RTL4: variants seen among roughly 807,000 people sequenced by gnomAD.
RTL4 encodes retrotransposon Gag-like protein 4.
A neutral mutation model predicts 5.3 loss-of-function variants in RTL4; 4 were observed. The observed-to-expected ratio is 0.75, with a 90% CI of 0.37 to 1.72. The LOEUF (loss-of-function observed/expected upper bound fraction) is 1.72. Among genes scored for constraint, RTL4 ranks in the 40% most tolerant of loss-of-function variants. The pLI is 0.04. For synonymous variants in RTL4, 98 were observed against 87.3 expected, an observed-to-expected ratio of 1.12 and a Z score of -0.68; for missense variants, 260 against 227.1, an observed-to-expected ratio of 1.14 and a Z score of -0.93.
chrX:112,330,840 A>C, the RTL4 span, among the ~76,000 whole-genome samples: 1 of 111,322 alleles, frequency 9.0e-6, no homozygotes, highest in African/African-American at 3.3e-5. Flanking sequence ...CAGAGCCCTC[A>C]AAAATAACAC....
the RTL4 span, among the ~76,000 whole-genome samples, chrX:112,181,120 T>C: frequency 3.6e-5 from 4 of 111,935 alleles, no homozygotes; most frequent in Admixed American, 9.4e-5. Flanking sequence ...CATGAGGGAC[T>C]GTGCTGTGAG....
the RTL4 span, among the ~76,000 whole-genome samples, chrX:112,189,857 A>G: frequency 8.9e-6 from 1 of 112,138 alleles, no homozygotes; most frequent in Non-Finnish European, 1.9e-5. Context: ...CAGAAACCTC[A>G]GTGGGTCATC....
At chrX:112,295,195 C>T in the RTL4 span, among the ~76,000 whole-genome samples, 1 of 111,716 alleles carries the variant, frequency 9.0e-6, no homozygotes, top group East Asian at 2.8e-4. Context: ...ATTTTGGCCA[C>T]TCAGAGACCT....
the RTL4 span, among the ~76,000 whole-genome samples, chrX:112,425,300 G>T: frequency 9.0e-6 from 1 of 111,331 alleles, no homozygotes; most frequent in African/African-American, 3.3e-5. Flanking sequence ...ACATTATCTG[G>T]ATGTACCCCA....
At chrX:112,250,364 T>C in the RTL4 span, among the ~76,000 whole-genome samples, 7 of 111,843 alleles carry the variant, frequency 6.3e-5, no homozygotes, top group African/African-American at 2.3e-4. Flanking sequence ...TTTTGTTTTG[T>C]TTTTGTTTTG....
the RTL4 span, among the ~76,000 whole-genome samples, chrX:112,174,481 T>C: frequency 9.4e-6 from 1 of 105,921 alleles, no homozygotes; most frequent in African/African-American, 3.4e-5. Context: ...CAGTCTATCA[T>C]TGATGGACAT....
chrX:112,238,362 A>T, the RTL4 span, among the ~76,000 whole-genome samples: 2 of 111,779 alleles, frequency 1.8e-5, no homozygotes, highest in African/African-American at 3.2e-5. Flanking sequence ...TTCTTTCAGC[A>T]CTGTTCTTCT....
the RTL4 span, among the ~76,000 whole-genome samples, chrX:112,158,608 A>T: frequency 1.8e-5 from 2 of 110,966 alleles, no homozygotes; most frequent in Admixed American, 1.9e-4. Flanking sequence ...CTAAATTATG[A>T]TATATGATGT....
At chrX:112,262,167 G>C in the RTL4 span, among the ~76,000 whole-genome samples, 134 of 111,923 alleles carry the variant, frequency 1.2e-3, no homozygotes, top group African/African-American at 4.3e-3. Context: ...CAAAAGCAAT[G>C]GCAACAAAAG....
chrX:112,263,798 G>T, the RTL4 span, among the ~76,000 whole-genome samples: 1 of 111,738 alleles, frequency 8.9e-6, no homozygotes, highest in Non-Finnish European at 1.9e-5. Flanking sequence ...GATAACTATG[G>T]GTGGTGATGG....
At chrX:112,175,923 A>G in the RTL4 span, among the ~76,000 whole-genome samples, 3 of 110,928 alleles carry the variant, frequency 2.7e-5, no homozygotes, top group African/African-American at 9.8e-5. Flanking sequence ...CAATTAGGAA[A>G]AGAGGAAGTC....
chrX:112,396,501 C>T, the RTL4 span, among the ~76,000 whole-genome samples: 1 of 110,502 alleles, frequency 9.0e-6, no homozygotes, highest in Non-Finnish European at 1.9e-5. Flanking sequence ...TGGTGATAAT[C>T]CATGGAGCTT....
the RTL4 span, among the ~76,000 whole-genome samples, chrX:112,210,415 T>G: frequency 8.9e-6 from 1 of 112,032 alleles, no homozygotes; most frequent in Non-Finnish European, 1.9e-5. Flanking sequence ...ATTAAGTAAC[T>G]GAATAAATGG....
chrX:112,182,582 CTTAA>C, the RTL4 span, among the ~76,000 whole-genome samples: 2 of 111,295 alleles, frequency 1.8e-5, no homozygotes, highest in African/African-American at 6.6e-5. Context: ...TGAAGATCAA[CTTAA>C]TTAAATAAAG....
At chrX:112,277,995 G>A in the RTL4 span, among the ~76,000 whole-genome samples, 12 of 111,902 alleles carry the variant, frequency 1.1e-4, no homozygotes, top group East Asian at 3.1e-3. Flanking sequence ...CCCATCCAAG[G>A]ATGATTTAAG....
the RTL4 span, among the ~76,000 whole-genome samples, chrX:112,222,237 C>T: frequency 2.6e-4 from 29 of 111,312 alleles, no homozygotes; most frequent in African/African-American, 9.1e-4. Flanking sequence ...TTTTTACCAC[C>T]TCTTCAGAAA....
the RTL4 span, among the ~76,000 whole-genome samples, chrX:112,092,483 C>T: frequency 8.9e-6 from 1 of 111,767 alleles, no homozygotes; most frequent in African/African-American, 3.3e-5. Context: ...ATCTGCCTCT[C>T]ACTCCCATAT....
the RTL4 span, among the ~76,000 whole-genome samples, chrX:112,130,792 T>G: frequency 2.8e-5 from 2 of 70,228 alleles, no homozygotes; most frequent in Middle Eastern, 6.8e-3. Context: ...TGGGTGTGGG[T>G]TTTTTTTTTT....
At chrX:112,385,616 T>C in the RTL4 span, among the ~76,000 whole-genome samples, 4 of 112,064 alleles carry the variant, frequency 3.6e-5, no homozygotes, top group Non-Finnish European at 7.5e-5. Flanking sequence ...TGTATCTGGA[T>C]AGAAAATCTT....
Sources: allele counts gnomAD v4.1 joint callset (sites outside exome capture counted in the v4.1 genomes callset), GRCh38; gene constraint gnomAD v4.1.1; transcripts MANE v1.5; gene names NCBI Gene and HGNC (gene_info 2026-07-23, HGNC 2026-07-21).